Variants in SHROOM3 observed in about 807,000 individuals in gnomAD.
SHROOM3 encodes protein Shroom3.
A neutral mutation model predicts 138.6 loss-of-function variants in SHROOM3; 47 were observed. The ratio of observed to expected loss-of-function variants is 0.34; its 90% CI spans 0.27 to 0.43. SHROOM3 has a LOEUF of 0.43. Ranked by LOEUF, SHROOM3 falls within the 20% of genes least tolerant of loss-of-function variation. The probability of loss-of-function intolerance (pLI) is 1.00; values close to 1 mark genes in which losing one functional copy is unlikely to be tolerated. For synonymous variants in SHROOM3, 1,062 were observed against 1,063.3 expected (o/e 1.00, Z 0.02); for missense variants, 2,491 against 2,596.5 (o/e 0.96, Z 0.88).
Position 76,436,216 on chromosome 4 carries a change from C to G in SHROOM3, c.164C>G (p.Ser55Cys). 6.2e-7 allele frequency: 1 copy of G among 1,613,934 alleles called. No homozygotes were observed. Among genetic ancestry groups the G allele is most frequent in the African/African-American group, 1.3e-5 (1 of 75,024 alleles). Residue 55 changes from serine (S) to cysteine (C), a missense_variant, in exon 1 of 11, where the codon TCT becomes TGT. This residue lies in a region of SHROOM3 where 284 missense variants were observed against 322.8 expected (regional missense o/e 0.88). Coordinates refer to ENST00000296043, the MANE Select transcript of SHROOM3 (RefSeq NM_020859.4). Reference sequence around the variant, plus strand: ...GAGCACGGAGAACCATTAATCATCTCTAAGGTATGTTTCTTTTTCCAATAT... The same window carrying G: ...GAGCACGGAGAACCATTAATCATCTGTAAGGTATGTTTCTTTTTCCAATAT... ...GLEHGEPLII[S>C]KVEEGGKADT...
At chr4:76,517,603 T>C (rs1732469003) in intron 1 of SHROOM3, among the ~76,000 whole-genome samples, 2 of 134,810 alleles carry the variant, frequency 1.5e-5, no homozygotes, top group African/African-American at 5.4e-5. Flanking sequence ...TTGCTTAGGG[T>C]TTTTGTTTGT....
chr4:76,458,643 CACATATACTTTT>C (rs899847755), intron 1 of SHROOM3, among the ~76,000 whole-genome samples: 10 of 152,144 alleles, frequency 6.6e-5, no homozygotes, highest in African/African-American at 2.4e-4. Flanking sequence ...TTCCCAACTA[CACATATACTTTT>C]AAGAAAAGAA....
intron 2 of SHROOM3, among the ~76,000 whole-genome samples, chr4:76,625,727 A>G (rs73828199): frequency 0.069 from 10,457 of 152,248 alleles, 1,186 homozygotes; most frequent in African/African-American, 0.23. Context: ...TTCTCTAACT[A>G]GAAGGCTTAT....
chr4:76,767,256 G>A (rs548394506), intron 9 of SHROOM3, among the ~76,000 whole-genome samples: 2 of 152,260 alleles, frequency 1.3e-5, no homozygotes, highest in African/African-American at 4.8e-5. Flanking sequence ...CTGTTGACCT[G>A]AGTTCAGCAG....
intron 2 of SHROOM3, among the ~76,000 whole-genome samples, chr4:76,672,891 T>C (rs1718929747): frequency 6.6e-6 from 1 of 152,206 alleles, no homozygotes; most frequent in East Asian, 1.9e-4. Flanking sequence ...CATTTTAATT[T>C]GGTGAAAAAA....
At chr4:76,554,277 T>C (rs965849151) in intron 1 of SHROOM3, among the ~76,000 whole-genome samples, 1 of 152,218 alleles carries the variant, frequency 6.6e-6, no homozygotes, top group Non-Finnish European at 1.5e-5. Context: ...TGTTGTTTCA[T>C]GGTTTGATAG....
chr4:76,587,958 T>C (rs1734186866), intron 2 of SHROOM3, among the ~76,000 whole-genome samples: 1 of 152,224 alleles, frequency 6.6e-6, no homozygotes, highest in Non-Finnish European at 1.5e-5. Flanking sequence ...AGAGAATATA[T>C]AAATCAAAGG....
chr4:76,508,072 C>T (rs1348064189), intron 1 of SHROOM3, among the ~76,000 whole-genome samples: 2 of 152,020 alleles, frequency 1.3e-5, no homozygotes, highest in African/African-American at 4.8e-5. Context: ...TTGATGATGT[C>T]CAATTTATTT....
In SHROOM3 at chr4:76,436,041, CAT is replaced by C; in HGVS notation, c.-11_-10del. On this transcript the variant is annotated 5_prime_UTR_variant, in exon 1 of 11. The change abolishes an upstream ATG in the 5' untranslated region. Coordinates refer to ENST00000296043, the MANE Select transcript of SHROOM3 (RefSeq NM_020859.4). ...GCATTTTAAATTTAACTTGAGGGATCATGTGTTTGGCATGATGAGGACCACTG... is the reference window on the plus strand; with the variant it reads ...GCATTTTAAATTTAACTTGAGGGATCGTGTTTGGCATGATGAGGACCACTG... 13 of 1,613,388 alleles carry C rather than the reference CAT, an allele frequency of 8.1e-6. No homozygotes were observed. Among genetic ancestry groups the C allele is most frequent in the Non-Finnish European group, 1.0e-5 (12 of 1,179,700 alleles).
chr4:76,519,035 A>G (rs1478590301), intron 1 of SHROOM3, among the ~76,000 whole-genome samples: 2 of 152,172 alleles, frequency 1.3e-5, no homozygotes, highest in African/African-American at 4.8e-5. Context: ...AAGATGCGGC[A>G]TAGCCTTGCC....
rs1378402575 is a variant in SHROOM3, at chr4:76,778,897, T to C, written c.5711T>C (p.Val1904Ala). 1 of 1,613,084 alleles carries C rather than the reference T, an allele frequency of 6.2e-7. No homozygotes were observed. The highest frequency in any genetic ancestry group is 1.3e-5 in the African/African-American group (1 of 74,820). Reference sequence around the variant, plus strand: ...GAGAACCTGGATCGCAGGGAGCGAGTAGTGCTGGGCATCTTGGCCAATTAC... The same window carrying C: ...GAGAACCTGGATCGCAGGGAGCGAGCAGTGCTGGGCATCTTGGCCAATTAC... The part of the protein sequence containing the change: ...LKENLDRRER[V>A]VLGILANYLS... The change falls in exon 11 of 11, where the codon GTA becomes GCA. Residue 1904 changes from valine (V) to alanine (A), a missense_variant. Coordinates refer to ENST00000296043, the MANE Select transcript of SHROOM3 (RefSeq NM_020859.4).
At chr4:76,772,564 A>G (rs1379892028) in intron 10 of SHROOM3, among the ~76,000 whole-genome samples, 6 of 152,116 alleles carry the variant, frequency 3.9e-5, no homozygotes, top group Admixed American at 3.9e-4. Context: ...GCATTTAGGA[A>G]CTCTGCAGCG....
At chr4:76,575,359 A>C (rs1733917393) in intron 2 of SHROOM3, among the ~76,000 whole-genome samples, 1 of 152,204 alleles carries the variant, frequency 6.6e-6, no homozygotes, top group South Asian at 2.1e-4. Flanking sequence ...TAGCTAGAGC[A>C]ATTAGACAAG....
chr4:76,678,890 G>C (rs1719113726), intron 2 of SHROOM3, among the ~76,000 whole-genome samples: 1 of 152,150 alleles, frequency 6.6e-6, no homozygotes, highest in African/African-American at 2.4e-5. Context: ...TCAAACTCCT[G>C]ACCTCAGGTC....
chr4:76,774,859 A>G (rs1383051967), intron 10 of SHROOM3, among the ~76,000 whole-genome samples: 9 of 152,094 alleles, frequency 5.9e-5, no homozygotes, highest in Admixed American at 3.3e-4. Flanking sequence ...GGGCAAAGAC[A>G]CATGAGTCTT....
At chr4:76,448,266 TTG>T (rs1730854732) in intron 1 of SHROOM3, among the ~76,000 whole-genome samples, 1 of 152,216 alleles carries the variant, frequency 6.6e-6, no homozygotes, top group Non-Finnish European at 1.5e-5. Flanking sequence ...ACATCATTTA[TTG>T]AGTGCCTAAA....
chr4:76,737,003 A>C (rs536220280), intron 4 of SHROOM3, among the ~76,000 whole-genome samples: 1 of 152,332 alleles, frequency 6.6e-6, no homozygotes, highest in South Asian at 2.1e-4. Flanking sequence ...ACAAATGTAT[A>C]ATGACATGTA....
chr4:76,674,365 T>C (rs1176988849), intron 2 of SHROOM3, among the ~76,000 whole-genome samples: 1 of 152,106 alleles, frequency 6.6e-6, no homozygotes, highest in Non-Finnish European at 1.5e-5. Flanking sequence ...CATTTTCAGG[T>C]AGGTGAGACA....
intron 5 of SHROOM3, among the ~76,000 whole-genome samples, chr4:76,743,119 T>C (rs964296791): frequency 6.6e-6 from 1 of 152,188 alleles, no homozygotes; most frequent in Non-Finnish European, 1.5e-5. Context: ...TGAAAGTGCT[T>C]CTCCTGAAGG....
Sources: gnomAD v4.1 joint callset for allele counts (sites outside exome capture counted in the v4.1 genomes callset) on GRCh38, gnomAD v4.1.1 for gene constraint, gnomAD v4.1.1 regional missense constraint, MANE v1.5 for transcripts, NCBI Gene and HGNC (gene_info 2026-07-23, HGNC 2026-07-21) for gene names.